The following EPHA5 variants were observed in gnomAD, a reference collection of about 807,000 sequenced individuals.
EPHA5 encodes ephrin type-A receptor 5.
EPHA5 carries 60 observed loss-of-function variants against 105.0 expected under a neutral mutation model. The ratio of observed to expected loss-of-function variants is 0.57; its 90% confidence interval spans 0.46 to 0.71. EPHA5 has a LOEUF of 0.71. EPHA5 is among the 30% of genes least tolerant of loss of function. The pLI is 0.00. For missense variants in EPHA5, 1,218 were observed against 1,274.7 expected (o/e 0.96, Z 0.68); for synonymous variants, 513 against 449.1 (o/e 1.14, Z -1.80).
chr4:65,467,338 C>T (rs917526220), intron 5 of EPHA5, among the ~76,000 whole-genome samples: 5 of 152,162 alleles, frequency 3.3e-5, no homozygotes, highest in African/African-American at 1.2e-4. Flanking sequence ...CCCAATTCTC[C>T]ACCCCTGTCA....
chr4:65,652,730 T>G (rs191509062), intron 1 of EPHA5, among the ~76,000 whole-genome samples: 12 of 152,246 alleles, frequency 7.9e-5, no homozygotes, highest in Admixed American at 7.9e-4. Context: ...CCATAATGCT[T>G]CAATTTTATT....
chr4:65,359,505 A>G (rs1430672903), intron 11 of EPHA5, among the ~76,000 whole-genome samples: 2 of 151,646 alleles, frequency 1.3e-5, no homozygotes, highest in Non-Finnish European at 3.0e-5. Flanking sequence ...ACTACTGATT[A>G]CCAAGCTTAA....
chr4:65,504,898 G>A (rs1732851328), intron 3 of EPHA5, among the ~76,000 whole-genome samples: 1 of 151,848 alleles, frequency 6.6e-6, no homozygotes, highest in Non-Finnish European at 1.5e-5. Context: ...TTCCTCTATA[G>A]CACTAAGTTC....
At chr4:65,645,726 T>C (rs1240258812) in intron 1 of EPHA5, among the ~76,000 whole-genome samples, 1 of 152,068 alleles carries the variant, frequency 6.6e-6, no homozygotes, top group Non-Finnish European at 1.5e-5. Context: ...CGGAATACAC[T>C]GCAGAATACA....
intron 7 of EPHA5, among the ~76,000 whole-genome samples, chr4:65,409,346 A>AAATAAATAAATAAAT (rs1553910971): frequency 1.2e-4 from 16 of 134,236 alleles, no homozygotes; most frequent in East Asian, 6.7e-4. Flanking sequence ...ATAATAATAA[A>AAATAAATAAATAAAT]AAATAAATAA....
In EPHA5 at chr4:65,357,628, C is replaced by T. The variant is rs574980133; in HGVS notation, c.2174-4525G>A. On this transcript the variant is annotated intron_variant, in intron 11 of 16. Transcript: ENST00000613740. ...AAGAGCTACTTAAAGTAGTTAAACCCACAGAAGCAGAAAGTAGAAAGGTAG... is the reference window on the plus strand; with the variant it reads ...AAGAGCTACTTAAAGTAGTTAAACCTACAGAAGCAGAAAGTAGAAAGGTAG... Among the ~76,000 whole-genome samples the T allele has an allele frequency of 3.3e-5, 5 of 151,270 alleles. No homozygotes were observed. The East Asian group carries it at 5.9e-4, about 18-fold the overall frequency.
chr4:65,428,735 G>A (rs555667785), intron 5 of EPHA5, among the ~76,000 whole-genome samples: 2 of 152,128 alleles, frequency 1.3e-5, no homozygotes, highest in South Asian at 4.1e-4. Flanking sequence ...CTTCCAGCAG[G>A]AAACGAAAGT....
chr4:65,365,814 T>C, intron 10 of EPHA5, 118 bp downstream of exon 10: 1 of 1,069,472 alleles, frequency 9.4e-7, no homozygotes, highest in Non-Finnish European at 1.3e-6. Flanking sequence ...ACATATCACT[T>C]TGAATGCAAG....
chr4:65,612,760 T>C (rs1193576600), intron 2 of EPHA5, among the ~76,000 whole-genome samples: 1 of 152,210 alleles, frequency 6.6e-6, no homozygotes, highest in Non-Finnish European at 1.5e-5. Context: ...CTGTTCCTTG[T>C]AGATTCTGGA....
intron 3 of EPHA5, among the ~76,000 whole-genome samples, chr4:65,547,002 C>A (rs1737440553): frequency 6.6e-6 from 1 of 151,974 alleles, no homozygotes; most frequent in African/African-American, 2.4e-5. Context: ...TGACTGGAAG[C>A]AAAAATTCTG....
At position 65,669,533 on chromosome 4, in the gene EPHA5, C is replaced by T. The variant is rs751438908; in HGVS notation, c.181+29G>A. 28 of 1,354,904 alleles carry T rather than the reference C, an allele frequency of 2.1e-5. 1 individual carries two copies. The African/African-American group carries it at 3.0e-4, about 15-fold the overall frequency. The allele number at this position is 1,354,904 out of a possible 1,614,324, so 83.9% of individuals were successfully genotyped here. ...CCCGCCTAGCCCCTCCGCCCCAGGTCGCCACGGTCCCCACCCCCATCTCCC... is the reference window on the plus strand; with the variant it reads ...CCCGCCTAGCCCCTCCGCCCCAGGTTGCCACGGTCCCCACCCCCATCTCCC... On this transcript the variant is annotated intron_variant, in intron 1 of 16. Coordinates refer to ENST00000613740, the MANE Select transcript of EPHA5 (RefSeq NM_001281766.3).
At chr4:65,544,711 C>A (rs1363216390) in intron 3 of EPHA5, among the ~76,000 whole-genome samples, 2 of 152,016 alleles carry the variant, frequency 1.3e-5, no homozygotes, top group African/African-American at 2.4e-5. Flanking sequence ...TTTGACCCAG[C>A]AATCCCATTA....
chr4:65,643,248 T>C, intron 2 of EPHA5, 115 bp downstream of exon 2: 3 of 792,338 alleles, frequency 3.8e-6, no homozygotes, highest in East Asian at 2.7e-5. Context: ...AACACACACA[T>C]AGCACCTCCT....
intron 3 of EPHA5, among the ~76,000 whole-genome samples, chr4:65,565,715 G>A (rs776820021): frequency 6.6e-6 from 1 of 151,024 alleles, no homozygotes; most frequent in African/African-American, 2.4e-5. Context: ...AATCTGTAAA[G>A]CTAGGAGGAT....
At chr4:65,380,042 T>C (rs1719406097) in intron 8 of EPHA5, among the ~76,000 whole-genome samples, 1 of 151,714 alleles carries the variant, frequency 6.6e-6, no homozygotes. Flanking sequence ...AATATGCAGA[T>C]AAGTACAGGT....
At position 65,323,945 on chromosome 4, in the gene EPHA5, C is replaced by T; in HGVS notation, c.*169G>A. 1 of 522,072 alleles carries T rather than the reference C, an allele frequency of 1.9e-6. No homozygotes were observed. The highest frequency in any genetic ancestry group is 2.5e-5 in the South Asian group (1 of 40,396). The allele number at this position is 522,072 out of a possible 1,614,324, so 32.3% of individuals were successfully genotyped here. A position where few individuals can be genotyped will look rare whatever the true frequency, so the allele number is the denominator to read the frequency against. On this transcript the variant is annotated 3_prime_UTR_variant, in exon 17 of 17. Coordinates refer to ENST00000613740, the MANE Select transcript of EPHA5 (RefSeq NM_001281766.3). The stretch of plus-strand genomic sequence containing the variant: ...AAAAATGAAGACTAAGGACTAAGAA[C>T]TGGATACTTCAGTAAAACCATGATT...
rs71657404 is a variant in EPHA5, at chr4:65,348,815, A to ATATATT, written c.2446-613_2446-612insAATATA. On this transcript the variant is annotated intron_variant, in intron 13 of 16. Transcript: ENST00000613740. ...TGTGTATATATATATATATATATAT[A>ATATATT]TTTTTTTTTTTTTTTTTTGAGACAG... is the stretch of plus-strand genomic sequence containing the variant. Among the ~76,000 whole-genome samples, 354 of 64,100 alleles carry ATATATT rather than the reference A, an allele frequency of 5.5e-3. 31 individuals are homozygous for ATATATT. Among genetic ancestry groups the ATATATT allele is most frequent in the Non-Finnish European group, 7.9e-3 (296 of 37,248 alleles). The allele number at this position is 64,100 out of a possible 152,430, so 42.1% of individuals were successfully genotyped here.
chr4:65,321,487 C>CT lies in EPHA5; in HGVS notation c.*2626dup, dbSNP rs1267501463. On this transcript the variant is annotated 3_prime_UTR_variant, in exon 17 of 17. Coordinates refer to ENST00000613740, the MANE Select transcript of EPHA5 (RefSeq NM_001281766.3). ...ATATTTTAGGAAGGCATTCTTTCCT[C>CT]TTTTTTAGGGAGAGTACTTGTTGTT... 8.7e-6 allele frequency: 2 copies of CT among 229,270 alleles called. No homozygotes were observed. The highest frequency in any genetic ancestry group is 5.7e-5 in the Admixed American group (1 of 17,568). 14.2% of individuals were successfully genotyped at this position (229,270 alleles called of 1,614,324 possible).
At chr4:65,666,008 A>G (rs1749936583) in intron 1 of EPHA5, among the ~76,000 whole-genome samples, 1 of 152,222 alleles carries the variant, frequency 6.6e-6, no homozygotes, top group Non-Finnish European at 1.5e-5. Context: ...GCCACAGAAT[A>G]AAGCCATTTA....
Sources: gnomAD v4.1 joint callset for allele counts (sites outside exome capture counted in the v4.1 genomes callset) on GRCh38, gnomAD v4.1.1 for gene constraint, MANE v1.5 for transcripts, NCBI Gene and HGNC (gene_info 2026-07-23, HGNC 2026-07-21) for gene names.